The following IGSF10 variants were observed in gnomAD, a reference collection of about 807,000 sequenced individuals.
IGSF10 encodes immunoglobulin superfamily member 10.
IGSF10 carries 126 observed loss-of-function variants against 128.2 expected under a neutral mutation model. That is an observed-to-expected ratio of 0.98 (90% confidence interval 0.85 to 1.14). The LOEUF is 1.14. Among genes scored for constraint, IGSF10 ranks in the 50% most tolerant of loss-of-function variants. The probability of loss-of-function intolerance (pLI) is 0.00; values close to 1 mark genes in which losing one functional copy is unlikely to be tolerated. For synonymous variants in IGSF10, 1,185 were observed against 1,146.2 expected (o/e 1.03, Z -0.68); for missense variants, 3,295 against 3,149.8 (o/e 1.05, Z -1.10).
chr3:151,440,328 T>C (rs550627639), intron 7 of IGSF10, among the ~76,000 whole-genome samples: 2 of 152,150 alleles, frequency 1.3e-5, no homozygotes, highest in South Asian at 4.1e-4. Context: ...CCACACCCAG[T>C]CATCAAGTCA....
At chr3:151,463,522 G>GGTTTTTTTTTTTT (rs373501858), upstream of IGSF10, among the ~76,000 whole-genome samples, 30 of 31,862 alleles carry the variant, frequency 9.4e-4, no homozygotes, top group African/African-American at 1.4e-3. Context: ...TACATTTTCT[G>GGTTTTTTTTTTTT]GTTTTTTTTT....
chr3:151,614,793 C>T, the IGSF10 span, among the ~76,000 whole-genome samples: 8 of 150,180 alleles, frequency 5.3e-5, no homozygotes, highest in Non-Finnish European at 1.2e-4. Flanking sequence ...GCACGTTGTG[C>T]ACATGTACCC....
At chr3:151,475,280 C>A in the IGSF10 span, among the ~76,000 whole-genome samples, 1 of 152,186 alleles carries the variant, frequency 6.6e-6, no homozygotes, top group Non-Finnish European at 1.5e-5. Context: ...TGTAAACACA[C>A]AGACCAAATA....
the IGSF10 span, among the ~76,000 whole-genome samples, chr3:151,514,289 A>G: frequency 6.6e-6 from 1 of 152,220 alleles, no homozygotes; most frequent in Non-Finnish European, 1.5e-5. Flanking sequence ...CCAATGGAAC[A>G]GAACAGAGCC....
chr3:151,432,761 C>T (rs367909092), downstream of IGSF10: 4 of 1,612,964 alleles, frequency 2.5e-6, no homozygotes, highest in Non-Finnish European at 3.4e-6. Flanking sequence ...GGCAACCAGC[C>T]ACAGCAAGGA....
At chr3:151,511,785 GA>G in the IGSF10 span, among the ~76,000 whole-genome samples, 1 of 150,964 alleles carries the variant, frequency 6.6e-6, no homozygotes, top group Non-Finnish European at 1.5e-5. Context: ...CAAGCAAATG[GA>G]AAACAAAAAA....
upstream of IGSF10, among the ~76,000 whole-genome samples, chr3:151,463,421 G>A (rs1190820030): frequency 6.7e-6 from 1 of 148,778 alleles, no homozygotes; most frequent in Non-Finnish European, 1.5e-5. Context: ...TTTCAGATGA[G>A]ATTGCTGAGG....
the IGSF10 span, among the ~76,000 whole-genome samples, chr3:151,483,879 T>G: frequency 6.6e-6 from 1 of 152,296 alleles, no homozygotes; most frequent in Admixed American, 6.5e-5. Context: ...AGCAGCTGTT[T>G]GGGCAGACAC....
chr3:151,552,851 T>C, the IGSF10 span, among the ~76,000 whole-genome samples: 1 of 152,170 alleles, frequency 6.6e-6, no homozygotes, highest in Non-Finnish European at 1.5e-5. Context: ...ATGAAATTAG[T>C]CATGATAGGC....
chr3:151,445,395 T>C lies in IGSF10; in HGVS notation c.4586A>G (p.His1529Arg). The change falls in exon 6 of 8, where the codon CAC becomes CGC. Residue 1529 changes from histidine to arginine, a missense_variant. Physicochemically the swap from His to Arg is conservative, Grantham distance 29. Transcript: ENST00000282466. ...TCCAATTGTGAACTTGGCATTTGGG[T>C]GAACCTTGGGGGATGTTGCAACCTC... ...VAEVATSPKV[H>R]PNAKFTIGTT... 6.2e-7 allele frequency: 1 copy of C among 1,614,222 alleles called. No individual in the cohort carries two copies.
the IGSF10 span, among the ~76,000 whole-genome samples, chr3:151,496,110 A>C: frequency 3.9e-5 from 6 of 152,042 alleles, no homozygotes; most frequent in African/African-American, 1.4e-4. Flanking sequence ...GAACGGGAGG[A>C]TACACTCCTT....
At position 151,437,046 on chromosome 3, in the gene IGSF10, G is replaced by A; in HGVS notation, c.7515C>T (p.Ile2505=). The change falls in exon 8 of 8, where the codon ATC becomes ATT. Residue 2505 remains isoleucine, a synonymous_variant. Coordinates refer to ENST00000282466, the MANE Select transcript of IGSF10 (RefSeq NM_178822.5). ...GACCAACACTATTTTGAGCCTTACA[G>A]ATATAGTTTCCTCTGTCATAAGCTG... ...EATAYDRGNY[I]CKAQNSVGHT... is the part of the protein sequence containing the mutation. 2 of 1,614,128 alleles carry A rather than the reference G, an allele frequency of 1.2e-6. No individual in the cohort carries two copies. Among genetic ancestry groups the A allele is most frequent in the Non-Finnish European group, 1.7e-6 (2 of 1,179,994 alleles).
In IGSF10 at chr3:151,447,192, T is replaced by G. The variant is rs1258717466; in HGVS notation, c.2789A>C (p.Asp930Ala). Residue 930 changes from aspartate to alanine, a missense_variant, in exon 6 of 8, where the codon GAT (aspartate) becomes GCT (alanine). Asp to Ala is a moderately radical substitution (Grantham distance 126, BLOSUM62 -2). Transcript: ENST00000282466. Reference protein sequence around the residue: ...PPITVRTMIKDVNVKMLSSTT... With the variant: ...PPITVRTMIKAVNVKMLSSTT... ...GCTACTAAGCATTTTGACATTGACA[T>G]CTTTGATCATAGTCCTTACTGTTAT... The G allele has an allele frequency of 6.2e-7, 1 of 1,614,202 alleles. No homozygotes were observed. Among genetic ancestry groups the G allele is most frequent in the Non-Finnish European group, 8.5e-7 (1 of 1,180,038 alleles).
At chr3:151,501,012 TAATCCTCCC>T in the IGSF10 span, among the ~76,000 whole-genome samples, 10 of 152,046 alleles carry the variant, frequency 6.6e-5, no homozygotes, top group Non-Finnish European at 1.3e-4. Flanking sequence ...CATGGATATA[TAATCCTCCC>T]ATGAAGAGGG....
At chr3:151,493,849 TAAAAAA>T in the IGSF10 span, among the ~76,000 whole-genome samples, 1 of 51,294 alleles carries the variant, frequency 1.9e-5, no homozygotes, top group Non-Finnish European at 4.0e-5. Flanking sequence ...GGTTTTTGTT[TAAAAAA>T]CAAACAAACA....
intron 1 of IGSF10, 145 bp downstream of exon 1, chr3:151,460,801 G>C (rs1228873591): frequency 2.4e-6 from 1 of 415,166 alleles, no homozygotes; most frequent in East Asian, 1.6e-4. Context: ...CACCTTCTCC[G>C]GGTGCGTCTT....
At chr3:151,613,488 T>C in the IGSF10 span, among the ~76,000 whole-genome samples, 1 of 152,012 alleles carries the variant, frequency 6.6e-6, no homozygotes, top group Non-Finnish European at 1.5e-5. Context: ...TATAGACCAA[T>C]GGAACAGAAC....
the IGSF10 span, among the ~76,000 whole-genome samples, chr3:151,566,530 T>G: frequency 5.3e-5 from 8 of 152,174 alleles, no homozygotes; most frequent in Admixed American, 5.2e-4. Flanking sequence ...GCTGATAGAA[T>G]AGTCGCTATC....
At chr3:151,528,174 CTAT>C in the IGSF10 span, among the ~76,000 whole-genome samples, 2 of 152,058 alleles carry the variant, frequency 1.3e-5, no homozygotes, top group African/African-American at 2.4e-5. Flanking sequence ...TAAATATCAG[CTAT>C]TATTATTAGC....
Sources: allele counts gnomAD v4.1 joint callset (sites outside exome capture counted in the v4.1 genomes callset), GRCh38; gene constraint gnomAD v4.1.1; transcripts MANE v1.5; gene names NCBI Gene and HGNC (gene_info 2026-07-23, HGNC 2026-07-21).